The following RELB variants were observed in gnomAD, a reference collection of about 807,000 sequenced individuals.
RELB encodes transcription factor RelB.
Under a neutral mutation model 55.4 loss-of-function variants are expected in RELB, and 14 were observed. That is an observed-to-expected ratio of 0.25 (90% CI 0.17 to 0.40). The LOEUF (loss-of-function observed/expected upper bound fraction) is 0.40. RELB is among the 10% of genes least tolerant of loss of function. The pLI, the probability that RELB is intolerant of heterozygous loss-of-function variation, is 1.00. For synonymous variants in RELB, 409 were observed against 371.3 expected, an observed-to-expected ratio of 1.10 and a Z score of -1.17; for missense variants, 669 against 830.7, an observed-to-expected ratio of 0.81 and a Z score of 2.39.
intron 2 of RELB, among the ~76,000 whole-genome samples, chr19:45,005,192 C>T (rs986825243): frequency 5.9e-5 from 9 of 151,864 alleles, no homozygotes; most frequent in South Asian, 2.1e-4. Context: ...AACAAAAAAC[C>T]ATGTCAGGCC....
rs767372545 is a variant in RELB, at chr19:45,037,409, G to A, written c.1359G>A (p.Pro453=). The A allele has an allele frequency of 9.6e-6, 15 of 1,568,154 alleles. No individual in the cohort carries two copies. The highest frequency in any genetic ancestry group is 5.6e-5 in the Admixed American group (3 of 53,738). The change falls in exon 12 of 12, where the codon CCG becomes CCA. Residue 453 remains proline (P), a synonymous_variant. Transcript: ENST00000221452. ...CTCTTGTCTTCATCCCCGTAGGCCC[G>A]TTCCTCCCGCCGTCAGCCCTGCTGC... ...DHFLPNHGSG[P]FLPPSALLPD... is the part of the protein sequence containing the mutation.
chr19:45,032,292 G>A lies in RELB; in HGVS notation c.992-242G>A, dbSNP rs185931887. 11 of 430,740 alleles carry A rather than the reference G, an allele frequency of 2.6e-5. No homozygotes were observed. The East Asian group carries it at 4.1e-4, about 16-fold the overall frequency. 26.7% of individuals were successfully genotyped at this position (430,740 alleles called of 1,614,324 possible). Reference sequence around the variant, plus strand: ...AAATTAGCCGGGCGTGGTGGCATATGCCTGTAATCCCAGCTATTCCGGAGG... The same window carrying A: ...AAATTAGCCGGGCGTGGTGGCATATACCTGTAATCCCAGCTATTCCGGAGG... On this transcript the variant is annotated intron_variant, in intron 8 of 11. Transcript: ENST00000221452.
In RELB at chr19:45,012,268, G is replaced by A. The variant is rs200472617; in HGVS notation, c.496G>A (p.Ala166Thr). ...CACCGAGGCCAGCAAGACGCTGCCC[G>A]CCATCGAGGTGGGCCCGGCGAGCGG... ...SSTEASKTLP[A>T]IELRDCGGLR... The change falls in exon 4 of 12, where the codon GCC (alanine) becomes ACC (threonine). Residue 166 changes from alanine to threonine, a missense_variant. By Grantham distance (58) the Ala-to-Thr change is moderately conservative. This residue lies in a region of RELB where 323 missense variants were observed against 368.5 expected (regional missense o/e 0.88). Transcript: ENST00000221452. 183 of 1,411,634 alleles carry A rather than the reference G, an allele frequency of 1.3e-4. No homozygotes were observed. The Middle Eastern group carries it at 1.8e-3, about 14-fold the overall frequency. The allele number at this position is 1,411,634 out of a possible 1,614,324, so 87.4% of individuals were successfully genotyped here. A position where few individuals can be genotyped will look rare whatever the true frequency, so the allele number is the denominator to read the frequency against.
intron 4 of RELB, among the ~76,000 whole-genome samples, chr19:45,020,225 CT>C (rs1165992006): frequency 1.2e-3 from 172 of 144,252 alleles, no homozygotes; most frequent in South Asian, 3.3e-3. Flanking sequence ...CTCTCTCTCT[CT>C]TTTTTTTTTT....
intron 7 of RELB, 69 bp downstream of exon 7, chr19:45,025,806 A>AGGCATGAAT: frequency 6.3e-7 from 1 of 1,592,178 alleles, no homozygotes; most frequent in Non-Finnish European, 8.6e-7. Flanking sequence ...CCGCTTACAG[A>AGGCATGAAT]GGCATGAATG....
At chr19:45,027,947 C>A (rs1010842182) in intron 7 of RELB, among the ~76,000 whole-genome samples, 7 of 152,258 alleles carry the variant, frequency 4.6e-5, no homozygotes, top group Non-Finnish European at 1.0e-4. Flanking sequence ...GTGGTGCAGT[C>A]ATAGCTTACT....
At chr19:45,005,451 C>A (rs951642069) in intron 2 of RELB, among the ~76,000 whole-genome samples, 1 of 152,100 alleles carries the variant, frequency 6.6e-6, no homozygotes, top group African/African-American at 2.4e-5. Flanking sequence ...TGGGTCTGGG[C>A]CTTTCTCTGG....
At chr19:45,006,051 G>C (rs1321277950) in intron 2 of RELB, among the ~76,000 whole-genome samples, 1 of 152,192 alleles carries the variant, frequency 6.6e-6, no homozygotes, top group African/African-American at 2.4e-5. Flanking sequence ...CCTGGCCCTG[G>C]GGTTCCCTAC....
intron 2 of RELB, among the ~76,000 whole-genome samples, chr19:45,006,259 C>T (rs1319355256): frequency 6.6e-5 from 10 of 152,046 alleles, no homozygotes; most frequent in East Asian, 1.9e-4. Flanking sequence ...CACTGGAGTG[C>T]GGTGGCGTGA....
intron 3 of RELB, among the ~76,000 whole-genome samples, chr19:45,011,292 T>C (rs7247707): frequency 0.67 from 101,394 of 151,474 alleles, 34,836 homozygotes; most frequent in African/African-American, 0.84. Flanking sequence ...CCTCCTGAGT[T>C]GCTGGGACTA....
intron 2 of RELB, among the ~76,000 whole-genome samples, chr19:45,008,069 CT>C (rs779474439): frequency 9.7e-4 from 143 of 147,198 alleles, no homozygotes; most frequent in Non-Finnish European, 1.9e-3. Context: ...ACTCGGGAGG[CT>C]GAGACAGGAG....
intron 2 of RELB, among the ~76,000 whole-genome samples, chr19:45,008,890 G>A (rs1388775730): frequency 6.6e-6 from 1 of 152,120 alleles, no homozygotes; most frequent in African/African-American, 2.4e-5. Flanking sequence ...ATTCCTCCAC[G>A]ATTCTGTGAA....
intron 4 of RELB, among the ~76,000 whole-genome samples, chr19:45,021,573 CTTTTT>C (rs748646881): frequency 3.3e-5 from 3 of 91,376 alleles, no homozygotes; most frequent in South Asian, 4.4e-4. Context: ...TCAAAGTGGC[CTTTTT>C]TTTTTTTTTT....
chr19:45,036,189 C>G (rs1337124137), intron 11 of RELB, among the ~76,000 whole-genome samples: 1 of 152,166 alleles, frequency 6.6e-6, no homozygotes, highest in Non-Finnish European at 1.5e-5. Context: ...TCTCCTGCCT[C>G]AGCCTCCTGA....
At position 45,037,463 on chromosome 19, in the gene RELB, G is replaced by A. The variant is rs2122503402; in HGVS notation, c.1413G>A (p.Val471=). The change falls in exon 12 of 12, where the codon GTG becomes GTA. Residue 471 remains valine (V), a synonymous_variant. Transcript: ENST00000221452. The part of the protein sequence containing the change: ...LPDPDFFSGT[V]SLPGLEPPGG... ...ACCCTGACTTCTTCTCTGGCACCGT[G>A]TCCCTGCCCGGCCTGGAGCCCCCTG... 46 of 1,609,198 alleles carry A rather than the reference G, an allele frequency of 2.9e-5. No homozygotes were observed. The highest frequency in any genetic ancestry group is 3.7e-5 in the Non-Finnish European group (44 of 1,179,130).
At chr19:45,011,543 G>A (rs1419714422) in intron 3 of RELB, among the ~76,000 whole-genome samples, 8 of 151,986 alleles carry the variant, frequency 5.3e-5, no homozygotes, top group East Asian at 1.9e-4. Context: ...TGCAGTGTCC[G>A]CCTCCTGGGT....
chr19:45,032,444 A>G (rs560459797), intron 8 of RELB, 90 bp from the exon 9 acceptor site: 3 of 1,071,034 alleles, frequency 2.8e-6, no homozygotes, highest in Non-Finnish European at 4.1e-6. Context: ...AAGGGGGAAT[A>G]TTAGTCTTGA....
chr19:45,016,115 G>A (rs1433704503), intron 4 of RELB, among the ~76,000 whole-genome samples: 2 of 152,022 alleles, frequency 1.3e-5, no homozygotes, highest in Non-Finnish European at 2.9e-5. Context: ...CTCCCGGGTA[G>A]CTGAGATTAC....
chr19:45,001,928 A>G (rs1971216301), intron 1 of RELB, among the ~76,000 whole-genome samples: 1 of 147,076 alleles, frequency 6.8e-6, no homozygotes, highest in African/African-American at 2.5e-5. Context: ...CCTGACCCTG[A>G]GGCAAAGAAG....
Sources: allele counts gnomAD v4.1 joint callset (sites outside exome capture counted in the v4.1 genomes callset), GRCh38; gene constraint gnomAD v4.1.1; regional missense constraint gnomAD v4.1.1; transcripts MANE v1.5; gene names NCBI Gene and HGNC (gene_info 2026-07-23, HGNC 2026-07-21).